The following HSPB8 variants were observed in gnomAD, a reference collection of about 807,000 sequenced individuals.
The protein encoded by HSPB8 is heat shock protein family B (small) member 8, also known as heat shock protein beta-8.
In HSPB8, 9 loss-of-function variants were observed where a neutral mutation model predicts 16.5. The observed-to-expected ratio is 0.55, with a 90% CI of 0.33 to 0.95. The LOEUF is 0.95. Ranked by LOEUF, HSPB8 falls within the 40% of genes least tolerant of loss-of-function variation. The pLI, the probability that HSPB8 is intolerant of heterozygous loss-of-function variation, is 0.03. For missense variants in HSPB8, 238 were observed against 251.2 expected (o/e 0.95, Z 0.35); for synonymous variants, 99 against 94.8 (o/e 1.04, Z -0.26).
intron 1 of HSPB8, 184 bp from the exon 2 acceptor site, chr12:119,186,841 A>C: frequency 1.6e-6 from 1 of 641,144 alleles, no homozygotes; most frequent in Non-Finnish European, 2.8e-6. Flanking sequence ...CCAGCCTTGG[A>C]AGTGGACTTA....
At chr12:119,180,348 G>A (rs533583220) in intron 1 of HSPB8, among the ~76,000 whole-genome samples, 1 of 152,202 alleles carries the variant, frequency 6.6e-6, no homozygotes, top group Non-Finnish European at 1.5e-5. Flanking sequence ...AGGCCACCAA[G>A]GAGTCAGACC....
chr12:119,181,953 T>C (rs1050763132), intron 1 of HSPB8: 10 of 152,260 alleles, frequency 6.6e-5, no homozygotes, highest in African/African-American at 2.2e-4. Flanking sequence ...ATTCCTTCTG[T>C]CCTTGTTTTA....
chr12:119,180,469 G>A (rs960715654), intron 1 of HSPB8, among the ~76,000 whole-genome samples: 1 of 152,160 alleles, frequency 6.6e-6, no homozygotes, highest in Admixed American at 6.5e-5. Flanking sequence ...ATCATCCTCA[G>A]TCCACTCCAG....
At chr12:119,190,482 AAGG>A (rs1447122139) in intron 2 of HSPB8, among the ~76,000 whole-genome samples, 1 of 152,202 alleles carries the variant, frequency 6.6e-6, no homozygotes, top group African/African-American at 2.4e-5. Flanking sequence ...TGGACTGAAT[AAGG>A]AGGAGAGGGA....
chr12:119,184,925 A>G (rs1040214681), intron 1 of HSPB8, among the ~76,000 whole-genome samples: 3 of 152,212 alleles, frequency 2.0e-5, no homozygotes, highest in Non-Finnish European at 4.4e-5. Flanking sequence ...TAATATGGAA[A>G]AGTAATTATA....
intron 2 of HSPB8, among the ~76,000 whole-genome samples, chr12:119,188,909 T>C (rs1026836070): frequency 6.6e-6 from 1 of 152,212 alleles, no homozygotes; most frequent in Non-Finnish European, 1.5e-5. Context: ...CATCAGCCTT[T>C]GCAAAGAAAT....
intron 2 of HSPB8, among the ~76,000 whole-genome samples, chr12:119,187,626 G>C (rs1389300240): frequency 6.6e-6 from 1 of 152,182 alleles, no homozygotes; most frequent in Non-Finnish European, 1.5e-5. Context: ...TCAAAGTGCT[G>C]GGATTAGAGG....
In HSPB8 at chr12:119,193,902, G is replaced by A; in HGVS notation, c.*44G>A. ...TCCTTGTTTTGTCCCCAACCCTAGGGCTTCTCTGATTCCAGGATACATTAC... is the reference window on the plus strand; with the variant it reads ...TCCTTGTTTTGTCCCCAACCCTAGGACTTCTCTGATTCCAGGATACATTAC... On this transcript the variant is annotated 3_prime_UTR_variant, in exon 3 of 3. Transcript: ENST00000281938. 1 of 1,599,492 alleles carries A rather than the reference G, an allele frequency of 6.3e-7. No homozygotes were observed. Among genetic ancestry groups the A allele is most frequent in the Non-Finnish European group, 8.6e-7 (1 of 1,167,280 alleles).
At position 119,194,140 on chromosome 12, in the gene HSPB8, C is replaced by G; in HGVS notation, c.*282C>G. On this transcript the variant is annotated 3_prime_UTR_variant, in exon 3 of 3. Coordinates refer to ENST00000281938, the MANE Select transcript of HSPB8 (RefSeq NM_014365.3). Reference sequence around the variant, plus strand: ...TGTTGCACATTCTATAGTTGCAAAACACATAAAAGGGGACTTAACATTTCA... The same window carrying G: ...TGTTGCACATTCTATAGTTGCAAAAGACATAAAAGGGGACTTAACATTTCA... The G allele has an allele frequency of 2.1e-6, 1 of 474,024 alleles. No homozygotes were observed. The highest frequency in any genetic ancestry group is 3.9e-6 in the Non-Finnish European group (1 of 258,350). 29.4% of individuals were successfully genotyped at this position (474,024 alleles called of 1,614,324 possible).
chr12:119,192,324 A>G (rs1954717119), intron 2 of HSPB8, among the ~76,000 whole-genome samples: 1 of 152,072 alleles, frequency 6.6e-6, no homozygotes, highest in African/African-American at 2.4e-5. Flanking sequence ...ATCCTCTTAC[A>G]ATACTCCAAC....
Position 119,179,254 on chromosome 12 carries a change from C to A in HSPB8, c.-59C>A, listed in dbSNP as rs1954617787. 1 of 1,570,188 alleles carries A rather than the reference C, an allele frequency of 6.4e-7. No individual in the cohort carries two copies. Reference sequence around the variant, plus strand: ...CAGCCACACCACCTTGTTGTGTGACCTTGGGCAGGTGGTTCTGTCTCTCTG... The same window carrying A: ...CAGCCACACCACCTTGTTGTGTGACATTGGGCAGGTGGTTCTGTCTCTCTG... On this transcript the variant is annotated 5_prime_UTR_variant, in exon 1 of 3. Coordinates refer to ENST00000281938, the MANE Select transcript of HSPB8 (RefSeq NM_014365.3).
Position 119,194,275 on chromosome 12 carries a change from C to T in HSPB8, c.*417C>T, listed in dbSNP as rs962858750. The T allele has an allele frequency of 1.8e-5, 5 of 280,690 alleles. No individual in the cohort carries two copies. Among genetic ancestry groups the T allele is most frequent in the South Asian group, 7.8e-5 (2 of 25,668 alleles). The allele number at this position is 280,690 out of a possible 1,614,324, so 17.4% of individuals were successfully genotyped here. ...GATTCCCATGGCTCCCAAACCATGC[C>T]GCATGGTTTGGTTAATGAAACCCAG... On this transcript the variant is annotated 3_prime_UTR_variant, in exon 3 of 3. Transcript: ENST00000281938.
In HSPB8 at chr12:119,187,103, G is replaced by A. The variant is rs777180667; in HGVS notation, c.431+15G>A. 1.9e-5 allele frequency: 30 copies of A among 1,608,804 alleles called. No homozygotes were observed. In the South Asian group the frequency reaches 3.2e-4, roughly 17 times the overall value. ...AAGAAAATCCAGTAAGTAACCTGGA[G>A]TCATGGAGCTCAGGGTGGGAGTGGA... is the stretch of plus-strand genomic sequence containing the variant. On this transcript the variant is annotated intron_variant, in intron 2 of 2. Transcript: ENST00000281938.
intron 2 of HSPB8, among the ~76,000 whole-genome samples, chr12:119,190,906 A>G (rs1565929938): frequency 6.6e-6 from 1 of 152,256 alleles, no homozygotes; most frequent in Admixed American, 6.5e-5. Context: ...AGAAGCACTG[A>G]AAGAGAACTG....
chr12:119,182,496 G>T (rs1274525912), intron 1 of HSPB8, among the ~76,000 whole-genome samples: 1 of 151,992 alleles, frequency 6.6e-6, no homozygotes, highest in African/African-American at 2.4e-5. Context: ...AAATTAGCCG[G>T]GTGTGGTGGT....
rs58365711 is a variant in HSPB8 at position 119,188,786 on chromosome 12, A to G, written c.431+1698A>G. Among the ~76,000 whole-genome samples, 1,448 of 152,316 alleles carry G rather than the reference A, an allele frequency of 9.5e-3. 31 individuals are homozygous for G. The highest frequency in any genetic ancestry group is 0.033 in the African/African-American group (1,388 of 41,568). ...TTCCTCATCTGTGAAAGGGATGCTG[A>G]TTCCAGCCTTGCAGAGTTCCTGGCT... On this transcript the variant is annotated intron_variant, in intron 2 of 2. Coordinates refer to ENST00000281938, the MANE Select transcript of HSPB8 (RefSeq NM_014365.3).
chr12:119,186,421 C>T (rs1954676287), intron 1 of HSPB8, among the ~76,000 whole-genome samples: 1 of 152,176 alleles, frequency 6.6e-6, no homozygotes, highest in Admixed American at 6.5e-5. Flanking sequence ...TAGAACTTGG[C>T]CTAGACTCAG....
chr12:119,183,603 C>A (rs1209730617), intron 1 of HSPB8, among the ~76,000 whole-genome samples: 1 of 152,046 alleles, frequency 6.6e-6, no homozygotes, highest in Non-Finnish European at 1.5e-5. Context: ...TTTCAGTTTA[C>A]AAAAATAAAA....
At chr12:119,190,114 C>T (rs187593726) in intron 2 of HSPB8, among the ~76,000 whole-genome samples, 34 of 152,218 alleles carry the variant, frequency 2.2e-4, no homozygotes, top group Admixed American at 2.0e-3. Context: ...ATGTGTATAA[C>T]GCATTAAGCA....
Sources: allele counts gnomAD v4.1 joint callset (sites outside exome capture counted in the v4.1 genomes callset), GRCh38; gene constraint gnomAD v4.1.1; transcripts MANE v1.5; gene names NCBI Gene and HGNC (gene_info 2026-07-23, HGNC 2026-07-21).